ATP10A: variants seen among roughly 807,000 people sequenced by gnomAD.
ATP10A encodes the protein phospholipid-transporting ATPase VA.
Under a neutral mutation model 147.8 loss-of-function variants are expected in ATP10A, and 111 were observed. The ratio of observed to expected loss-of-function variants is 0.75; its 90% CI spans 0.64 to 0.88. ATP10A has a LOEUF of 0.88. Among genes scored for constraint, ATP10A ranks in the 40% least tolerant of loss-of-function variants. The pLI is 0.00. For synonymous variants in ATP10A, 875 were observed against 841.6 expected (o/e 1.04, Z -0.69); for missense variants, 1,927 against 1,959.0 (o/e 0.98, Z 0.31).
chr15:25,680,300 G>T lies in ATP10A; in HGVS notation c.3687C>A (p.Leu1229=), dbSNP rs765028029. The change falls in exon 20 of 21, where the codon CTC becomes CTA. Residue 1229 remains leucine, a synonymous_variant. Coordinates refer to ENST00000555815, the MANE Select transcript of ATP10A (RefSeq NM_024490.4). ...CACTGAAGCCACACGTTATCCAGTT[G>T]AGCCAGGTCTGAGGGGGAATGAGAA... ...LGIETKTWTW[L]NWITCGFSVL... The T allele has an allele frequency of 6.2e-7, 1 of 1,614,018 alleles. No homozygotes were observed. The highest frequency in any genetic ancestry group is 1.3e-5 in the African/African-American group (1 of 74,944).
rs1902230364 is a variant in ATP10A at position 25,721,572 on chromosome 15, G to A, written c.1363+85C>T. The A allele has an allele frequency of 2.5e-5, 33 of 1,301,794 alleles. No individual in the cohort carries two copies. The South Asian group carries it at 4.0e-4, about 16-fold the overall frequency. The allele number at this position is 1,301,794 out of a possible 1,614,324, so 80.6% of individuals were successfully genotyped here. ...TGTGTGTGTGTGTGTGTGTGTGTGT[G>A]TGTGTGTGTGTGTCTCCAAACAATT... is the stretch of plus-strand genomic sequence containing the variant. On this transcript the variant is annotated intron_variant, in intron 7 of 20. Transcript: ENST00000555815.
chr15:25,718,483 C>G, intron 7 of ATP10A, 84 bp from the exon 8 acceptor site: 2 of 1,418,226 alleles, frequency 1.4e-6, no homozygotes, highest in Non-Finnish European at 1.9e-6. Context: ...TTTTAGGTTC[C>G]GCGAGGCTTC....
rs1893817640 is a variant in ATP10A at position 25,862,676 on chromosome 15, T to C, written c.421A>G (p.Asn141Asp). The C allele has an allele frequency of 6.3e-7, 1 of 1,598,726 alleles. No individual in the cohort carries two copies. The highest frequency in any genetic ancestry group is 1.3e-5 in the African/African-American group (1 of 74,606). Residue 141 changes from asparagine to aspartate, a missense_variant, in exon 1 of 21, where the codon AAC becomes GAC. Asn to Asp is a conservative substitution (Grantham distance 23). Transcript: ENST00000555815. ...CTGAAGACCAGGCAGCCCAGGTGGTTGATCTTGTGGTCGGAGCGGTGGCGG... is the reference window on the plus strand; with the variant it reads ...CTGAAGACCAGGCAGCCCAGGTGGTCGATCTTGTGGTCGGAGCGGTGGCGG... ...YSRHRSDHKI[N>D]HLGCLVFSRE...
At chr15:25,816,731 T>G (rs1891670026) in intron 1 of ATP10A, among the ~76,000 whole-genome samples, 1 of 152,150 alleles carries the variant, frequency 6.6e-6, no homozygotes, top group Non-Finnish European at 1.5e-5. Context: ...GAAAACATAA[T>G]TTTTTTGTCT....
At chr15:25,703,180 A>T (rs1198293755) in intron 12 of ATP10A, among the ~76,000 whole-genome samples, 1 of 152,144 alleles carries the variant, frequency 6.6e-6, no homozygotes, top group Admixed American at 6.5e-5. Flanking sequence ...CAATGTGGTG[A>T]AACCCTGTTT....
intron 10 of ATP10A, among the ~76,000 whole-genome samples, chr15:25,713,125 C>T (rs1457447935): frequency 6.6e-6 from 1 of 152,226 alleles, no homozygotes; most frequent in Non-Finnish European, 1.5e-5. Context: ...CCACCCAGTT[C>T]AGTTCCCTGG....
In ATP10A at chr15:25,714,296, C is replaced by T. The variant is rs1596739436; in HGVS notation, c.1777-55G>A. On this transcript the variant is annotated intron_variant, in intron 9 of 20. Coordinates refer to ENST00000555815, the MANE Select transcript of ATP10A (RefSeq NM_024490.4). ...AGGGAACTGCTATGTCCCCCAGAGG[C>T]CCCACCCTGGTTCCCACAGGATGCT... 7.1e-6 allele frequency: 11 copies of T among 1,538,556 alleles called. No homozygotes were observed. In the East Asian group the frequency reaches 1.8e-4, roughly 25 times the overall value.
chr15:25,718,823 C>A (rs553298347), intron 7 of ATP10A, among the ~76,000 whole-genome samples: 28 of 152,214 alleles, frequency 1.8e-4, no homozygotes, highest in African/African-American at 5.3e-4. Flanking sequence ...GAGCTCCTTG[C>A]CCACATGGAC....
chr15:25,725,791 G>T lies in ATP10A; in HGVS notation c.979+160C>A, dbSNP rs558200281. 2.6e-5 allele frequency among the ~76,000 whole-genome samples: 4 copies of T among 151,448 alleles called. No homozygotes were observed. The South Asian group carries it at 8.3e-4, about 32-fold the overall frequency. On this transcript the variant is annotated intron_variant, in intron 5 of 20. Transcript: ENST00000555815. The stretch of plus-strand genomic sequence containing the variant: ...CTGGGACTACAGGCACATTTTTTTT[G>T]TATTTTTAGTAGAGATGGGATTTCA...
chr15:25,764,216 G>A (rs543176735), intron 2 of ATP10A, among the ~76,000 whole-genome samples: 5 of 152,084 alleles, frequency 3.3e-5, no homozygotes, highest in Admixed American at 1.3e-4. Flanking sequence ...AAAGACTTAC[G>A]AAAATGAGGA....
chr15:25,720,542 G>A (rs1034398068), intron 7 of ATP10A, among the ~76,000 whole-genome samples: 2 of 152,016 alleles, frequency 1.3e-5, no homozygotes, highest in Non-Finnish European at 2.9e-5. Flanking sequence ...TGCTGTACCA[G>A]GTTTAGCAAC....
intron 2 of ATP10A, among the ~76,000 whole-genome samples, chr15:25,743,279 G>T (rs892174499): frequency 6.6e-6 from 1 of 152,176 alleles, no homozygotes; most frequent in Non-Finnish European, 1.5e-5. Context: ...AATGGCAACA[G>T]AAATGTGAAA....
chr15:25,674,008 G>T (rs1225677837), downstream of ATP10A, among the ~76,000 whole-genome samples: 1 of 152,244 alleles, frequency 6.6e-6, no homozygotes, highest in African/African-American at 2.4e-5. Flanking sequence ...TGTGATGGGA[G>T]ACAAGGAGGT....
chr15:25,781,318 T>C, intron 1 of ATP10A, 95 bp from the exon 2 acceptor site: 1 of 1,043,474 alleles, frequency 9.6e-7, no homozygotes, highest in Non-Finnish European at 1.4e-6. Context: ...CAATTCTTTC[T>C]ACATTTGCAT....
At chr15:25,756,212 G>A (rs142569348) in intron 2 of ATP10A, among the ~76,000 whole-genome samples, 6 of 152,338 alleles carry the variant, frequency 3.9e-5, no homozygotes, top group Non-Finnish European at 8.8e-5. Context: ...AAAGGAAGGA[G>A]AGAACACTGG....
At chr15:25,733,951 C>G (rs891443646) in intron 3 of ATP10A, among the ~76,000 whole-genome samples, 4 of 152,200 alleles carry the variant, frequency 2.6e-5, no homozygotes, top group African/African-American at 9.6e-5. Flanking sequence ...TGGCTGGCTG[C>G]AGGCAGATGA....
intron 1 of ATP10A, among the ~76,000 whole-genome samples, chr15:25,838,019 A>G (rs1892665738): frequency 6.6e-6 from 1 of 152,258 alleles, no homozygotes; most frequent in Admixed American, 6.5e-5. Context: ...AGATTAATGT[A>G]CAAGATTCAC....
rs1227114036 is a variant in ATP10A, at chr15:25,727,398, G to A, written c.741-132C>T. ...GCCGCTGGGATCTGGACTGGGAAGGGTACAGGGGGCCCCCGAGAGTGGGTG... is the reference window on the plus strand; with the variant it reads ...GCCGCTGGGATCTGGACTGGGAAGGATACAGGGGGCCCCCGAGAGTGGGTG... On this transcript the variant is annotated intron_variant, in intron 3 of 20. Transcript: ENST00000555815. The A allele has an allele frequency of 1.4e-5, 11 of 804,556 alleles. No individual in the cohort carries two copies. In the African/African-American group the frequency reaches 1.9e-4, roughly 14 times the overall value. The allele number at this position is 804,556 out of a possible 1,614,324, so 49.8% of individuals were successfully genotyped here.
intron 16 of ATP10A, among the ~76,000 whole-genome samples, chr15:25,687,215 GCT>G (rs1330348125): frequency 4.3e-5 from 2 of 46,258 alleles, no homozygotes; most frequent in African/African-American, 4.4e-4. Context: ...GCACACTTGT[GCT>G]TATCATTGGA....
Sources: gnomAD v4.1 joint callset for allele counts (sites outside exome capture counted in the v4.1 genomes callset) on GRCh38, gnomAD v4.1.1 for gene constraint, MANE v1.5 for transcripts, NCBI Gene and HGNC (gene_info 2026-07-23, HGNC 2026-07-21) for gene names.